The following CDH6 variants were observed in gnomAD, a reference collection of about 807,000 sequenced individuals.
CDH6 encodes the protein cadherin-6.
CDH6 carries 31 observed loss-of-function variants against 78.0 expected under a neutral mutation model. The ratio of observed to expected loss-of-function variants is 0.40; its 90% CI spans 0.30 to 0.54. The LOEUF (loss-of-function observed/expected upper bound fraction) is 0.54. Ranked by LOEUF, CDH6 falls within the 20% of genes least tolerant of loss-of-function variation. The pLI is 0.56. For synonymous variants in CDH6, 376 were observed against 368.8 expected (o/e 1.02, Z -0.23); for missense variants, 724 against 975.9 (o/e 0.74, Z 3.44).
intron 1 of CDH6, among the ~76,000 whole-genome samples, chr5:31,254,089 G>T (rs1194393039): frequency 1.3e-5 from 2 of 152,094 alleles, no homozygotes; most frequent in Admixed American, 1.3e-4. Flanking sequence ...ACAACATCCT[G>T]CCTGGATTGT....
intron 1 of CDH6, among the ~76,000 whole-genome samples, chr5:31,262,033 A>G (rs1477590227): frequency 3.9e-5 from 6 of 152,216 alleles, no homozygotes; most frequent in Non-Finnish European, 7.3e-5. Context: ...TCCCTATGAA[A>G]TATTTTTGCA....
chr5:31,227,215 G>C (rs1461756887), intron 1 of CDH6, among the ~76,000 whole-genome samples: 3 of 152,082 alleles, frequency 2.0e-5, no homozygotes, highest in Non-Finnish European at 4.4e-5. Context: ...ACAAGGAAAG[G>C]AACGTACGGC....
At chr5:31,308,347 C>T (rs1026592596) in intron 7 of CDH6, among the ~76,000 whole-genome samples, 5 of 151,540 alleles carry the variant, frequency 3.3e-5, no homozygotes, top group African/African-American at 1.2e-4. Flanking sequence ...AAACATACAT[C>T]CTTTTCAGGA....
chr5:31,202,110 CT>C (rs11324213), intron 1 of CDH6, among the ~76,000 whole-genome samples: 112,426 of 151,828 alleles, frequency 0.74, 41,719 homozygotes, highest in Middle Eastern at 0.89. Context: ...AAATCAGTGT[CT>C]TTTTTTTTCT....
chr5:31,272,297 G>A lies in CDH6; in HGVS notation c.228+4596G>A, dbSNP rs1169640999. 2.0e-5 allele frequency among the ~76,000 whole-genome samples: 3 copies of A among 152,206 alleles called. No homozygotes were observed. In the East Asian group the frequency reaches 5.8e-4, roughly 29 times the overall value. On this transcript the variant is annotated intron_variant, in intron 2 of 11. Transcript: ENST00000265071. Reference sequence around the variant, plus strand: ...TCCTAACACTGACACAGAAAACAAAGAGGTACATATTTTCTTGTCAGGGGC... The same window carrying A: ...TCCTAACACTGACACAGAAAACAAAAAGGTACATATTTTCTTGTCAGGGGC...
At chr5:31,223,069 T>C (rs1741046724) in intron 1 of CDH6, among the ~76,000 whole-genome samples, 1 of 152,096 alleles carries the variant, frequency 6.6e-6, no homozygotes, top group African/African-American at 2.4e-5. Context: ...TTCAGCCACC[T>C]CTTCACTCTC....
chr5:31,210,174 G>A (rs1740656093), intron 1 of CDH6, among the ~76,000 whole-genome samples: 1 of 151,948 alleles, frequency 6.6e-6, no homozygotes, highest in South Asian at 2.1e-4. Flanking sequence ...GGGTGAGAAA[G>A]ATGCTGGGTA....
At chr5:31,199,430 A>G (rs1042355587) in intron 1 of CDH6, among the ~76,000 whole-genome samples, 2 of 44,820 alleles carry the variant, frequency 4.5e-5, no homozygotes, top group Non-Finnish European at 9.3e-5. Flanking sequence ...ATGTACACAC[A>G]TATGTGTATA....
intron 1 of CDH6, chr5:31,251,087 A>G (rs1741895325): frequency 6.6e-6 from 1 of 152,262 alleles, no homozygotes. Context: ...CACAGAATCA[A>G]TGTGATACCA....
In CDH6 at chr5:31,294,381, T is replaced by C. The variant is rs947974406; in HGVS notation, c.523+125T>C. 2 of 736,052 alleles carry C rather than the reference T, an allele frequency of 2.7e-6. No individual in the cohort carries two copies. Among genetic ancestry groups the C allele is most frequent in the African/African-American group, 3.5e-5 (2 of 56,774 alleles). The allele number at this position is 736,052 out of a possible 1,614,324, so 45.6% of individuals were successfully genotyped here. On this transcript the variant is annotated intron_variant, in intron 3 of 11. Transcript: ENST00000265071. This position sits in a 1 kb window ranked among gnomAD's most constrained non-coding sequence, Gnocchi z 4.1. ...GATGCTAACTTCTTCAATCCATGTA[T>C]GTCCTTTCTGTAAGTGCATATGTTT...
chr5:31,235,481 C>G (rs1579839044), intron 1 of CDH6, among the ~76,000 whole-genome samples: 1 of 152,074 alleles, frequency 6.6e-6, no homozygotes, highest in Non-Finnish European at 1.5e-5. Flanking sequence ...TTACTGTTCT[C>G]CTTTATTCTT....
chr5:31,197,380 G>C (rs982469062), intron 1 of CDH6, among the ~76,000 whole-genome samples: 1 of 152,136 alleles, frequency 6.6e-6, no homozygotes, highest in African/African-American at 2.4e-5. Context: ...TGTGCTTCTT[G>C]CTTAGTCATG....
intron 10 of CDH6, 23 bp downstream of exon 10, chr5:31,317,515 C>T: frequency 1.3e-6 from 2 of 1,527,128 alleles, no homozygotes; most frequent in Non-Finnish European, 1.8e-6. Flanking sequence ...AAGTTACCTT[C>T]TCTATCTATC....
chr5:31,292,354 G>GC (rs1480782100), intron 2 of CDH6, among the ~76,000 whole-genome samples: 4 of 152,132 alleles, frequency 2.6e-5, no homozygotes, highest in African/African-American at 9.7e-5. Flanking sequence ...TAAGAAAGAG[G>GC]CCGTATATAA....
At chr5:31,293,721 A>G (rs571067772) in intron 2 of CDH6, among the ~76,000 whole-genome samples, 54 of 152,192 alleles carry the variant, frequency 3.5e-4, no homozygotes, top group Non-Finnish European at 6.5e-4. Context: ...CAAAATAAAG[A>G]TTACTAAATT....
chr5:31,254,350 A>T (rs1741994601), intron 1 of CDH6, among the ~76,000 whole-genome samples: 1 of 152,222 alleles, frequency 6.6e-6, no homozygotes, highest in Non-Finnish European at 1.5e-5. Context: ...GAAAGAAAAA[A>T]AATTGTATGC....
At position 31,328,629 on chromosome 5, in the gene CDH6, CTG is replaced by C. The variant is rs1295895290; in HGVS notation, c.*5324_*5325del. ...GCTAAAGCAATTTGGCATTCTCCCA[CTG>C]TGATTTGTGACTTTTAAACCCACAA... On this transcript the variant is annotated 3_prime_UTR_variant, in exon 12 of 12. Transcript: ENST00000265071. The C allele has an allele frequency of 9.7e-6, 2 of 206,538 alleles. No individual in the cohort carries two copies. Among genetic ancestry groups the C allele is most frequent in the African/African-American group, 4.6e-5 (2 of 43,834 alleles). The allele number at this position is 206,538 out of a possible 1,614,324, so 12.8% of individuals were successfully genotyped here. A position where few individuals can be genotyped will look rare whatever the true frequency, so the allele number is the denominator to read the frequency against.
chr5:31,313,563 A>C, intron 8 of CDH6, 109 bp downstream of exon 8: 8 of 1,040,640 alleles, frequency 7.7e-6, no homozygotes, highest in Non-Finnish European at 1.1e-5. Context: ...CACTTGATAT[A>C]TATTGAGGGA....
chr5:31,245,899 C>CT (rs71612205), intron 1 of CDH6, among the ~76,000 whole-genome samples: 3,103 of 87,692 alleles, frequency 0.035, 68 homozygotes, highest in East Asian at 0.062. Flanking sequence ...CTCTCTCTCT[C>CT]TTTTTTTTTT....
Sources: allele counts gnomAD v4.1 joint callset (sites outside exome capture counted in the v4.1 genomes callset), GRCh38; gene constraint gnomAD v4.1.1; non-coding constraint Gnocchi (gnomAD v3.1); transcripts MANE v1.5; gene names NCBI Gene and HGNC (gene_info 2026-07-23, HGNC 2026-07-21).